RIMKLB: variants seen among roughly 807,000 people sequenced by gnomAD.
RIMKLB encodes ribosomal modification protein rimK like family member B.
RIMKLB carries 7 observed loss-of-function variants against 32.0 expected under a neutral mutation model. That is an observed-to-expected ratio of 0.22 (90% CI 0.12 to 0.41). The LOEUF is 0.41. Among genes scored for constraint, RIMKLB ranks in the 10% least tolerant of loss-of-function variants. RIMKLB has a pLI of 1.00. For synonymous variants in RIMKLB, 172 were observed against 185.1 expected (o/e 0.93, Z 0.57); for missense variants, 289 against 498.7 (o/e 0.58, Z 4.00).
chr12:8,695,078 T>C (rs970676917), upstream of RIMKLB, among the ~76,000 whole-genome samples: 3 of 152,302 alleles, frequency 2.0e-5, no homozygotes, highest in South Asian at 6.2e-4. Flanking sequence ...TAAGCAACAA[T>C]CTCATGCTGC....
chr12:8,680,325 C>CT (rs1320688026), upstream of RIMKLB, among the ~76,000 whole-genome samples: 2 of 151,952 alleles, frequency 1.3e-5, no homozygotes, highest in East Asian at 1.9e-4. Context: ...CCCGGCTAAT[C>CT]TTTTTTTGTA....
upstream of RIMKLB, chr12:8,697,267 T>C (rs1942924336): frequency 6.6e-6 from 1 of 152,142 alleles, no homozygotes; most frequent in Admixed American, 6.5e-5. Flanking sequence ...ATCATGTGGT[T>C]TTAAATTTGC....
chr12:8,708,239 A>C (rs1458749532), intron 1 of RIMKLB, among the ~76,000 whole-genome samples: 1 of 152,034 alleles, frequency 6.6e-6, no homozygotes, highest in African/African-American at 2.4e-5. Flanking sequence ...TTGAGCTCAT[A>C]TGTTAATGGA....
At chr12:8,697,534 G>C (rs1361531555), upstream of RIMKLB, 2 of 154,374 alleles carry the variant, frequency 1.3e-5, no homozygotes, top group Non-Finnish European at 2.9e-5. Flanking sequence ...GTGAGGGCGG[G>C]GAGGGCGTAC....
At chr12:8,675,373 TTTC>T in the RIMKLB span, among the ~76,000 whole-genome samples, 8 of 152,164 alleles carry the variant, frequency 5.3e-5, no homozygotes, top group African/African-American at 1.4e-4. Flanking sequence ...ACATTTCTTT[TTTC>T]TTCTTCTTCT....
upstream of RIMKLB, among the ~76,000 whole-genome samples, chr12:8,676,933 A>C (rs536171438): frequency 1.2e-4 from 19 of 152,062 alleles, no homozygotes; most frequent in Non-Finnish European, 2.6e-4. Context: ...GCCACCTTCC[A>C]AAATTGGAAT....
intron 2 of RIMKLB, among the ~76,000 whole-genome samples, chr12:8,743,354 CAAAAAAAA>C (rs60066068): frequency 1.2e-4 from 8 of 65,190 alleles, no homozygotes; most frequent in African/African-American, 1.7e-4. Flanking sequence ...GAGTCTGTCT[CAAAAAAAA>C]AAAAAAAAAA....
chr12:8,774,568 GTTGC>G lies in RIMKLB; in HGVS notation c.*787_*790del. 1 of 920,562 alleles carries G rather than the reference GTTGC, an allele frequency of 1.1e-6. No individual in the cohort carries two copies. The highest frequency in any genetic ancestry group is 1.3e-6 in the Non-Finnish European group (1 of 786,692). 57.0% of individuals were successfully genotyped at this position (920,562 alleles called of 1,614,324 possible). ...TTTTTGAAAGATGTGCTCTGTTAATGTTGCTTTTTTTTTTTTTTTTAATACATGC... is the reference window on the plus strand; with the variant it reads ...TTTTTGAAAGATGTGCTCTGTTAATGTTTTTTTTTTTTTTTTAATACATGC... On this transcript the variant is annotated 3_prime_UTR_variant, in exon 6 of 6. Coordinates refer to ENST00000535829, the MANE Select transcript of RIMKLB (RefSeq NM_001297776.2).
chr12:8,722,097 A>T (rs1945502306), intron 2 of RIMKLB, among the ~76,000 whole-genome samples: 3 of 152,114 alleles, frequency 2.0e-5, no homozygotes, highest in African/African-American at 7.2e-5. Context: ...GAACTTTTTC[A>T]GTTTACTTGC....
rs374332995 is a variant in RIMKLB, at chr12:8,712,215, C to T, written c.-56-1596C>T. On this transcript the variant is annotated intron_variant, in intron 1 of 5. Coordinates refer to ENST00000535829, the MANE Select transcript of RIMKLB (RefSeq NM_001297776.2). ...GAGACGGAATTTCTCTCTTGTTGCC[C>T]AGGCTGGAGTGCAATAGCGTGATCT... Among the ~76,000 whole-genome samples, 57 of 152,092 alleles carry T rather than the reference C, an allele frequency of 3.7e-4. 1 individual carries two copies. The East Asian group carries it at 7.8e-3, about 21-fold the overall frequency.
chr12:8,710,553 A>G (rs763612525), intron 1 of RIMKLB, among the ~76,000 whole-genome samples: 73 of 152,036 alleles, frequency 4.8e-4, no homozygotes, highest in African/African-American at 1.6e-3. Flanking sequence ...TGATCCGCCC[A>G]CCTTGGCCTT....
rs1416018731 is a variant in RIMKLB, at chr12:8,754,043, C to A, written c.647C>A (p.Thr216Asn). 3 of 1,614,022 alleles carry A rather than the reference C, an allele frequency of 1.9e-6. No homozygotes were observed. The highest frequency in any genetic ancestry group is 2.5e-6 in the Non-Finnish European group (3 of 1,179,940). ...GTCGTGGGAGGCCGTGTGGTTGGCA[C>A]CATGTTACGTTGTTCAACAGATGGG... ...VIVVGGRVVG[T>N]MLRCSTDGRM... The change falls in exon 5 of 6, where the codon ACC becomes AAC. Residue 216 changes from threonine (T) to asparagine (N), a missense_variant. Thr to Asn is a moderately conservative substitution (Grantham distance 65). Transcript: ENST00000535829.
chr12:8,710,262 C>G (rs927287362), intron 1 of RIMKLB, among the ~76,000 whole-genome samples: 3 of 149,956 alleles, frequency 2.0e-5, no homozygotes, highest in Admixed American at 1.3e-4. Context: ...CCAAAATGAA[C>G]TACCGCTCCC....
chr12:8,695,274 A>G (rs560220152), upstream of RIMKLB, among the ~76,000 whole-genome samples: 137 of 141,480 alleles, frequency 9.7e-4, no homozygotes, highest in Middle Eastern at 4.2e-3. Context: ...TGTGTGGTGC[A>G]TGATTATGTC....
chr12:8,674,222 C>CT, the RIMKLB span, among the ~76,000 whole-genome samples: 1,610 of 120,334 alleles, frequency 0.013, 9 homozygotes, highest in Non-Finnish European at 0.016. Context: ...TCTCACAATT[C>CT]TTTTTTTTTT....
chr12:8,781,841 T>G (rs145867952), downstream of RIMKLB, among the ~76,000 whole-genome samples: 11 of 152,178 alleles, frequency 7.2e-5, no homozygotes, highest in African/African-American at 2.7e-4. Context: ...GAATGTAAAT[T>G]TCAATTAAAT....
intron 1 of RIMKLB, among the ~76,000 whole-genome samples, chr12:8,712,654 C>G (rs112223275): frequency 0.025 from 3,818 of 152,170 alleles, 159 homozygotes; most frequent in African/African-American, 0.086. Flanking sequence ...CATGGCATTT[C>G]AAGGTGCTTG....
chr12:8,685,925 G>A (rs6487327), intron 1 of RIMKLB, among the ~76,000 whole-genome samples: 126,512 of 151,972 alleles, frequency 0.83, 52,873 homozygotes, highest in East Asian at 0.91. Context: ...CTCCTGCCTC[G>A]GCCTCCCGAG....
intron 1 of RIMKLB, among the ~76,000 whole-genome samples, chr12:8,704,999 C>CACACACACACACACACACACACACAAA (rs35908223): frequency 2.5e-4 from 38 of 151,648 alleles, no homozygotes; most frequent in African/African-American, 8.5e-4. Context: ...CACACACACA[C>CACACACACACACACACACACACACAAA]AAAACCCCAA....
Sources: gnomAD v4.1 joint callset for allele counts (sites outside exome capture counted in the v4.1 genomes callset) on GRCh38, gnomAD v4.1.1 for gene constraint, MANE v1.5 for transcripts, NCBI Gene and HGNC (gene_info 2026-07-23, HGNC 2026-07-21) for gene names.